The following POU6F2 variants were observed in gnomAD, a reference collection of about 807,000 sequenced individuals.
POU6F2 encodes POU class 6 homeobox 2, also known as POU domain, class 6, transcription factor 2.
Under a neutral mutation model 71.3 loss-of-function variants are expected in POU6F2, and 31 were observed. The ratio of observed to expected loss-of-function variants is 0.43; its 90% CI spans 0.33 to 0.59. The LOEUF (loss-of-function observed/expected upper bound fraction) is 0.59, where lower values mean the gene tolerates loss of function less well. POU6F2 is among the 20% of genes least tolerant of loss of function. The pLI, the probability that POU6F2 is intolerant of heterozygous loss-of-function variation, is 0.04. For missense variants in POU6F2, 783 were observed against 856.8 expected (o/e 0.91, Z 1.07); for synonymous variants, 347 against 355.7 (o/e 0.98, Z 0.27).
chr7:39,251,524 C>G (rs1456289384), intron 4 of POU6F2, among the ~76,000 whole-genome samples: 1 of 152,146 alleles, frequency 6.6e-6, no homozygotes, highest in Admixed American at 6.5e-5. Flanking sequence ...ATGCAGTAAG[C>G]TTTCTTGTTA....
chr7:39,279,517 G>T (rs999381560), intron 4 of POU6F2, among the ~76,000 whole-genome samples: 1 of 152,174 alleles, frequency 6.6e-6, no homozygotes, highest in African/African-American at 2.4e-5. Flanking sequence ...TAAAGCAAAA[G>T]AAATTCATTG....
At chr7:39,340,979 C>T (rs1021051028) in intron 5 of POU6F2, among the ~76,000 whole-genome samples, 2 of 152,146 alleles carry the variant, frequency 1.3e-5, no homozygotes, top group Non-Finnish European at 1.5e-5. Context: ...CAAAGTTAAA[C>T]AGAGTGAGCA....
chr7:39,118,561 G>C (rs1181392481), intron 2 of POU6F2, among the ~76,000 whole-genome samples: 2 of 152,106 alleles, frequency 1.3e-5, no homozygotes, highest in Non-Finnish European at 2.9e-5. Flanking sequence ...AGGTTTAGAA[G>C]AGATAGTTGA....
rs75716884 is a variant in POU6F2 at position 39,124,733 on chromosome 7, A to G, written c.277+38702A>G. On this transcript the variant is annotated intron_variant, in intron 2 of 9. Transcript: ENST00000518318. ...TTCGGGGACACAAATTATGTGCCCC[A>G]CAGAACAACCCTGTTAGTGGAAGAG... Among the ~76,000 whole-genome samples, 446 of 152,338 alleles carry G rather than the reference A, an allele frequency of 2.9e-3. 5 individuals are homozygous for G. In the East Asian group the frequency reaches 0.03, roughly 10 times the overall value.
chr7:39,178,024 G>C (rs1186190068), intron 2 of POU6F2, among the ~76,000 whole-genome samples: 1 of 152,174 alleles, frequency 6.6e-6, no homozygotes, highest in African/African-American at 2.4e-5. Flanking sequence ...GGGAGGCCGA[G>C]GTGGGTGGAT....
At chr7:39,203,296 T>C (rs1291617959) in intron 2 of POU6F2, among the ~76,000 whole-genome samples, 1 of 152,212 alleles carries the variant, frequency 6.6e-6, no homozygotes, top group Admixed American at 6.5e-5. Context: ...TTGTTATTCA[T>C]AGGACAAACA....
chr7:39,143,598 G>T (rs1335974223), intron 2 of POU6F2, among the ~76,000 whole-genome samples: 1 of 152,162 alleles, frequency 6.6e-6, no homozygotes, highest in Non-Finnish European at 1.5e-5. Flanking sequence ...ATGGACATTT[G>T]GGGAATAAGA....
chr7:39,298,826 TA>T (rs1358526825), intron 4 of POU6F2, among the ~76,000 whole-genome samples: 3 of 152,034 alleles, frequency 2.0e-5, no homozygotes, highest in African/African-American at 4.8e-5. Context: ...TATGATGCCA[TA>T]AAAAAAGAAT....
chr7:39,131,576 A>G (rs749714555), intron 2 of POU6F2, among the ~76,000 whole-genome samples: 1 of 152,150 alleles, frequency 6.6e-6, no homozygotes, highest in Non-Finnish European at 1.5e-5. Flanking sequence ...AAGACCCTAA[A>G]TCTACGGCCA....
At chr7:39,011,690 C>G (rs1190092122) in intron 1 of POU6F2, among the ~76,000 whole-genome samples, 2 of 151,092 alleles carry the variant, frequency 1.3e-5, no homozygotes, top group African/African-American at 4.9e-5. Context: ...TTTAGTGCTT[C>G]CTTCAGGAGC....
intron 5 of POU6F2, among the ~76,000 whole-genome samples, chr7:39,393,896 A>G (rs1310125118): frequency 6.6e-6 from 1 of 152,240 alleles, no homozygotes; most frequent in Non-Finnish European, 1.5e-5. Context: ...GATGGAAGGA[A>G]GAGGAGGCAT....
intron 1 of POU6F2, among the ~76,000 whole-genome samples, chr7:39,025,002 G>T (rs1476550714): frequency 6.6e-6 from 1 of 152,092 alleles, no homozygotes; most frequent in Non-Finnish European, 1.5e-5. Context: ...TTTGGTATCA[G>T]GATGATGCTG....
chr7:39,322,604 T>C (rs1785420107), intron 4 of POU6F2, among the ~76,000 whole-genome samples: 1 of 152,212 alleles, frequency 6.6e-6, no homozygotes. Flanking sequence ...CATATACATA[T>C]TTCCTATTGA....
At chr7:39,344,632 T>C (rs1785991324) in intron 5 of POU6F2, among the ~76,000 whole-genome samples, 1 of 129,448 alleles carries the variant, frequency 7.7e-6, no homozygotes, top group South Asian at 2.4e-4. Flanking sequence ...AAAGACCCAG[T>C]GTCCTAGGCC....
At chr7:39,001,761 G>C (rs1349797435) in intron 1 of POU6F2, among the ~76,000 whole-genome samples, 6 of 151,962 alleles carry the variant, frequency 3.9e-5, no homozygotes, top group Admixed American at 2.0e-4. Context: ...GGTGATGGTG[G>C]TTATGTGATG....
intron 4 of POU6F2, among the ~76,000 whole-genome samples, chr7:39,326,412 G>T: frequency 6.6e-6 from 1 of 152,340 alleles, no homozygotes; most frequent in East Asian, 1.9e-4. Flanking sequence ...GTGAAGGCAA[G>T]ATTCTCTGAT....
At chr7:39,410,320 A>T (rs1379823083) in intron 6 of POU6F2, among the ~76,000 whole-genome samples, 4 of 152,158 alleles carry the variant, frequency 2.6e-5, no homozygotes, top group Non-Finnish European at 4.4e-5. Context: ...AAAATAAATA[A>T]ATAAAATCAT....
At position 39,466,510 on chromosome 7, in the gene POU6F2, G is replaced by A. The variant is rs1198418033; in HGVS notation, c.*1824G>A. On this transcript the variant is annotated 3_prime_UTR_variant, in exon 10 of 10. Transcript: ENST00000518318. ...ATGCATAATTTATAATCATGCTAAT[G>A]TATTATCTAGAAGTAAGTTGTGAAA... 2 of 152,210 alleles carry A rather than the reference G, an allele frequency of 1.3e-5. No homozygotes were observed. The highest frequency in any genetic ancestry group is 4.8e-5 in the African/African-American group (2 of 41,448). 9.4% of individuals were successfully genotyped at this position (152,210 alleles called of 1,614,324 possible). A position where few individuals can be genotyped will look rare whatever the true frequency, so the allele number is the denominator to read the frequency against.
intron 1 of POU6F2, among the ~76,000 whole-genome samples, chr7:39,031,622 C>T (rs1789944427): frequency 6.6e-6 from 1 of 152,156 alleles, no homozygotes; most frequent in Non-Finnish European, 1.5e-5. Flanking sequence ...GTGGCTCACA[C>T]CTGTAATCCC....
Sources: gnomAD v4.1 joint callset for allele counts (sites outside exome capture counted in the v4.1 genomes callset) on GRCh38, gnomAD v4.1.1 for gene constraint, MANE v1.5 for transcripts, NCBI Gene and HGNC (gene_info 2026-07-23, HGNC 2026-07-21) for gene names.